The following TNRC18 variants were observed in gnomAD, a reference collection of about 807,000 sequenced individuals.
TNRC18 encodes trinucleotide repeat containing 18, also known as trinucleotide repeat-containing gene 18 protein.
A neutral mutation model predicts 226.7 loss-of-function variants in TNRC18; 69 were observed. That is an observed-to-expected ratio of 0.30 (90% CI 0.25 to 0.37). TNRC18 has a LOEUF of 0.37. TNRC18 is among the 10% of genes least tolerant of loss of function. TNRC18 has a pLI of 1.00. For synonymous variants in TNRC18, 2,449 were observed against 1,927.6 expected, an observed-to-expected ratio of 1.27 and a Z score of -7.09; for missense variants, 4,754 against 4,256.6, an observed-to-expected ratio of 1.12 and a Z score of -3.25.
rs1279542540 is a variant in TNRC18 at position 5,356,815 on chromosome 7, A to AGC, written c.5194+100_5194+101insGC. On this transcript the variant is annotated intron_variant, in intron 16 of 29. Transcript: ENST00000430969. ...GCCCCAGAGAGAGAGCGAGAGCGAG[A>AGC]GAGAGAGTGAGGGGCGGGGGGGGAA... The AGC allele has an allele frequency of 4.4e-6, 6 of 1,363,558 alleles. No homozygotes were observed. In the African/African-American group the frequency reaches 5.9e-5, roughly 14 times the overall value. 84.5% of individuals were successfully genotyped at this position (1,363,558 alleles called of 1,614,324 possible).
chr7:5,369,918 T>C (rs1793986031), intron 11 of TNRC18, among the ~76,000 whole-genome samples: 1 of 152,178 alleles, frequency 6.6e-6, no homozygotes, highest in Non-Finnish European at 1.5e-5. Context: ...ATGCTCGAGA[T>C]GGAACATTTT....
At chr7:5,376,394 A>G (rs544010236) in intron 8 of TNRC18, among the ~76,000 whole-genome samples, 170 bp from the exon 9 acceptor site, 13 of 152,186 alleles carry the variant, frequency 8.5e-5, no homozygotes, top group Non-Finnish European at 1.9e-4. Context: ...CCTGTCCTCC[A>G]TGGGCCACGT....
chr7:5,406,060 G>A (rs548581240), intron 2 of TNRC18, among the ~76,000 whole-genome samples: 37 of 152,278 alleles, frequency 2.4e-4, no homozygotes, highest in African/African-American at 8.7e-4. Context: ...GGTCCATCCA[G>A]CCAGTGGAAT....
At chr7:5,352,917 G>A (rs1038503499) in intron 16 of TNRC18, among the ~76,000 whole-genome samples, 4 of 152,038 alleles carry the variant, frequency 2.6e-5, no homozygotes, top group Middle Eastern at 3.2e-3. Context: ...CACTCCAGAC[G>A]GGGGGAACGT....
intron 26 of TNRC18, 106 bp from the exon 27 acceptor site, chr7:5,313,969 GTTT>G (rs11292393): frequency 8.8e-7 from 1 of 1,134,566 alleles, no homozygotes; most frequent in Admixed American, 3.7e-5. Context: ...TTTTGTTTTT[GTTT>G]TTTTTTTGAG....
At chr7:5,386,029 G>A (rs1330153178) in intron 5 of TNRC18, among the ~76,000 whole-genome samples, 1 of 142,070 alleles carries the variant, frequency 7.0e-6, no homozygotes, top group Non-Finnish European at 1.5e-5. Flanking sequence ...GCTCATGCCT[G>A]TAATCCCAGC....
At chr7:5,347,844 A>G (rs559906278) in intron 17 of TNRC18, among the ~76,000 whole-genome samples, 1 of 151,862 alleles carries the variant, frequency 6.6e-6, no homozygotes, top group Non-Finnish European at 1.5e-5. Context: ...AATCCCGGCT[A>G]CTCAGGAGGC....
chr7:5,385,938 A>T (rs1319426951), intron 5 of TNRC18, among the ~76,000 whole-genome samples: 1 of 135,610 alleles, frequency 7.4e-6, no homozygotes, highest in African/African-American at 2.8e-5. Flanking sequence ...AGCCAAGATC[A>T]TGCCATTGCA....
intron 2 of TNRC18, chr7:5,420,696 T>G: frequency 1.9e-6 from 1 of 517,602 alleles, no homozygotes; most frequent in Non-Finnish European, 3.7e-6. Flanking sequence ...GGGGAGCGGG[T>G]GTCTCGCGGG....
chr7:5,421,202 G>A lies in TNRC18; in HGVS notation c.45C>T (p.Pro15=). The A allele has an allele frequency of 7.3e-7, 1 of 1,379,024 alleles. No individual in the cohort carries two copies. The highest frequency in any genetic ancestry group is 9.4e-7 in the Non-Finnish European group (1 of 1,063,902). The allele number at this position is 1,379,024 out of a possible 1,614,324, so 85.4% of individuals were successfully genotyped here. A position where few individuals can be genotyped will look rare whatever the true frequency, so the allele number is the denominator to read the frequency against. ...CCAGGCCGGACAGCAGCGGCGGCGG[G>A]GGACCGTGCACGGACCGCTGGGGCC... The part of the protein sequence containing the change: ...DFGPQRSVHG[P]PPPLLSGLAM... The change falls in exon 2 of 30, where the codon CCC becomes CCT. Residue 15 remains proline, a synonymous_variant. Coordinates refer to ENST00000430969, the MANE Select transcript of TNRC18 (RefSeq NM_001080495.3).
chr7:5,364,461 AAACACAC>A (rs56661449), intron 11 of TNRC18, among the ~76,000 whole-genome samples: 16,586 of 124,856 alleles, frequency 0.13, 1,262 homozygotes, highest in Admixed American at 0.16. Context: ...GTCTCAAAGA[AAACACAC>A]ACACACACAC....
In TNRC18 at chr7:5,389,303, C is replaced by T. The variant is rs375909920; in HGVS notation, c.521G>A (p.Gly174Asp). 5 of 1,282,296 alleles carry T rather than the reference C, an allele frequency of 3.9e-6. No homozygotes were observed. The highest frequency in any genetic ancestry group is 2.6e-5 in the South Asian group (1 of 38,122). 79.4% of individuals were successfully genotyped at this position (1,282,296 alleles called of 1,614,324 possible). The part of the protein sequence containing the change: ...GFYLPTAGAP[G>D]SLHSHAPSAR... ...CGAGGGCGCGTGAGAGTGCAGGGAG[C>T]CCGGAGCCCCCGCGGTGGGCAGGTA... The change falls in exon 5 of 30, where the codon GGC becomes GAC. Residue 174 changes from glycine to aspartate, a missense_variant. Transcript: ENST00000430969.
intron 5 of TNRC18, among the ~76,000 whole-genome samples, chr7:5,382,526 C>T (rs1405963869): frequency 6.6e-6 from 1 of 152,042 alleles, no homozygotes. Context: ...TAGGGTTGCT[C>T]TCCAGGGGTC....
At chr7:5,380,304 G>A (rs974624008) in intron 5 of TNRC18, among the ~76,000 whole-genome samples, 1 of 152,228 alleles carries the variant, frequency 6.6e-6, no homozygotes, top group Non-Finnish European at 1.5e-5. Flanking sequence ...AAATTAGCCA[G>A]GCATGGTGTC....
Position 5,308,045 on chromosome 7 carries a change from G to GTGAT in TNRC18, c.*57_*60dup. 2 of 1,464,154 alleles carry GTGAT rather than the reference G, an allele frequency of 1.4e-6. No homozygotes were observed. Among genetic ancestry groups the GTGAT allele is most frequent in the South Asian group, 1.2e-5 (1 of 80,232 alleles). 90.7% of individuals were successfully genotyped at this position (1,464,154 alleles called of 1,614,324 possible). On this transcript the variant is annotated 3_prime_UTR_variant, in exon 30 of 30. Coordinates refer to ENST00000430969, the MANE Select transcript of TNRC18 (RefSeq NM_001080495.3). ...CGCACGTGGTCTCCGCGCCATGGCAGTGATGGAGATGGGTCCCTGGCCGCC... is the reference window on the plus strand; with the variant it reads ...CGCACGTGGTCTCCGCGCCATGGCAGTGATTGATGGAGATGGGTCCCTGGCCGCC...
chr7:5,359,924 G>A (rs1199880138), intron 14 of TNRC18, among the ~76,000 whole-genome samples: 1 of 152,140 alleles, frequency 6.6e-6, no homozygotes, highest in East Asian at 1.9e-4. Flanking sequence ...CCACCAGGAT[G>A]GCAGGGGGAG....
rs200318142 is a variant in TNRC18, at chr7:5,313,687, C to T, written c.7204G>A (p.Ala2402Thr). ...TCGGGTGCTGGGCAGCTGGTGAAGG[C>T]GGGTGGTGCGGGACTGGGCTGCGGC... ...APPQPSPAPPAFTSCPAPEPF... is the reference protein window; with the variant it reads ...APPQPSPAPPTFTSCPAPEPF... The change falls in exon 27 of 30, where the codon GCC becomes ACC. Residue 2402 changes from alanine (A) to threonine (T), a missense_variant. Physicochemically the swap from Ala to Thr is moderately conservative, Grantham distance 58. Coordinates refer to ENST00000430969, the MANE Select transcript of TNRC18 (RefSeq NM_001080495.3). 4.4e-5 allele frequency: 70 copies of T among 1,604,114 alleles called. No individual in the cohort carries two copies. The highest frequency in any genetic ancestry group is 7.8e-5 in the South Asian group (7 of 89,864).
In TNRC18 at chr7:5,332,905, G is replaced by A. The variant is rs761096740; in HGVS notation, c.5864C>T (p.Pro1955Leu). The A allele has an allele frequency of 3.9e-6, 6 of 1,535,178 alleles. No individual in the cohort carries two copies. The East Asian group carries it at 1.5e-4, about 37-fold the overall frequency. The change falls in exon 19 of 30, where the codon CCC becomes CTC. Residue 1955 changes from proline to leucine, a missense_variant. Coordinates refer to ENST00000430969, the MANE Select transcript of TNRC18 (RefSeq NM_001080495.3). ...CAGCTTGGCCTTGTCTGGGCTGCTG[G>A]GGTCGGGACCGCGGGCGCCAGGCGT... ...APTPGARGPD[P>L]SSPDKAKLAV... is the part of the protein sequence containing the mutation.
At chr7:5,390,334 G>A (rs1267357330) in intron 4 of TNRC18, 151 bp downstream of exon 4, 2 of 852,264 alleles carry the variant, frequency 2.3e-6, no homozygotes, top group African/African-American at 3.6e-5. Context: ...ACTCCAGCCT[G>A]GGCAACATAG....
Sources: allele counts gnomAD v4.1 joint callset (sites outside exome capture counted in the v4.1 genomes callset), GRCh38; gene constraint gnomAD v4.1.1; transcripts MANE v1.5; gene names NCBI Gene and HGNC (gene_info 2026-07-23, HGNC 2026-07-21).